NHLRC2: variants seen among roughly 807,000 people sequenced by gnomAD.
The protein encoded by NHLRC2 is NHL repeat containing 2.
Under a neutral mutation model 68.1 loss-of-function variants are expected in NHLRC2, and 33 were observed. That is an observed-to-expected ratio of 0.48 (90% CI 0.37 to 0.65). NHLRC2 has a LOEUF of 0.65. NHLRC2 is among the 30% of genes least tolerant of loss of function. The pLI, the probability that NHLRC2 is intolerant of heterozygous loss-of-function variation, is 0.00. For missense variants in NHLRC2, 761 were observed against 853.8 expected (o/e 0.89, Z 1.35); for synonymous variants, 311 against 309.6 (o/e 1.00, Z -0.05).
chr10:113,868,962 A>C (rs554430775), intron 2 of NHLRC2, among the ~76,000 whole-genome samples: 20 of 152,314 alleles, frequency 1.3e-4, no homozygotes, highest in African/African-American at 4.6e-4. Context: ...GCAGGAGGAA[A>C]AGAGTGTGGA....
In NHLRC2 at chr10:113,903,634, A is replaced by T. The variant is rs745512207; in HGVS notation, c.1602A>T (p.Pro534=). The T allele has an allele frequency of 1.9e-6, 3 of 1,606,482 alleles. No individual in the cohort carries two copies. Among genetic ancestry groups the T allele is most frequent in the Non-Finnish European group, 1.7e-6 (2 of 1,173,144 alleles). ...SSFTESTFNE[P]GGLCIGENGE... is the part of the protein sequence containing the mutation. ...TTACAGAGTCAACTTTTAATGAACC[A>T]GGAGGCTTGTGTATTGGAGAGAATG... is the stretch of plus-strand genomic sequence containing the variant. Residue 534 remains proline, a synonymous_variant, in exon 9 of 11, where the codon CCA becomes CCT. Coordinates refer to ENST00000369301, the MANE Select transcript of NHLRC2 (RefSeq NM_198514.4).
chr10:113,889,493 T>C (rs1208815571), intron 5 of NHLRC2, among the ~76,000 whole-genome samples: 5 of 152,200 alleles, frequency 3.3e-5, no homozygotes, highest in Non-Finnish European at 7.3e-5. Context: ...TAAAATAAGT[T>C]ATATCTTTAT....
intron 5 of NHLRC2, among the ~76,000 whole-genome samples, chr10:113,892,994 A>T (rs1244540067): frequency 6.6e-6 from 1 of 152,184 alleles, no homozygotes; most frequent in African/African-American, 2.4e-5. Flanking sequence ...TTTCTATAAG[A>T]TAAGAATTTT....
intron 5 of NHLRC2, among the ~76,000 whole-genome samples, chr10:113,887,538 G>A (rs1490086282): frequency 6.6e-6 from 1 of 152,128 alleles, no homozygotes; most frequent in Non-Finnish European, 1.5e-5. Flanking sequence ...GGGAGGCTGA[G>A]GCGGCCAGAT....
intron 9 of NHLRC2, among the ~76,000 whole-genome samples, chr10:113,904,510 G>A (rs941537823): frequency 6.6e-6 from 1 of 152,128 alleles, no homozygotes; most frequent in Non-Finnish European, 1.5e-5. Flanking sequence ...ATAAGAAAAT[G>A]TATATCTAGC....
chr10:113,893,406 A>G (rs1846150056), intron 5 of NHLRC2, among the ~76,000 whole-genome samples: 1 of 152,212 alleles, frequency 6.6e-6, no homozygotes, highest in African/African-American at 2.4e-5. Flanking sequence ...TCAGCAAATT[A>G]TTTAGCCTCT....
chr10:113,876,498 A>T, intron 2 of NHLRC2, 23 bp from the exon 3 acceptor site: 1 of 1,341,436 alleles, frequency 7.5e-7, no homozygotes, highest in Non-Finnish European at 1.0e-6. Flanking sequence ...AATAATGTTT[A>T]ACATATAATT....
chr10:113,872,172 T>G (rs1045284764), intron 2 of NHLRC2, among the ~76,000 whole-genome samples: 10 of 151,858 alleles, frequency 6.6e-5, no homozygotes, highest in African/African-American at 2.2e-4. Flanking sequence ...TGGGAGATAA[T>G]CAGCTATATA....
chr10:113,859,767 T>A (rs886929614), intron 2 of NHLRC2, among the ~76,000 whole-genome samples: 2 of 152,136 alleles, frequency 1.3e-5, no homozygotes, highest in African/African-American at 4.8e-5. Flanking sequence ...GCTGAGGAAA[T>A]ATGTAACAAA....
intron 2 of NHLRC2, among the ~76,000 whole-genome samples, chr10:113,873,774 A>T (rs540176442): frequency 6.6e-6 from 1 of 152,342 alleles, no homozygotes; most frequent in East Asian, 1.9e-4. Flanking sequence ...TGTAAGCTTT[A>T]GTTTAGATGA....
At chr10:113,874,257 C>T (rs1319536710) in intron 2 of NHLRC2, among the ~76,000 whole-genome samples, 12 of 152,150 alleles carry the variant, frequency 7.9e-5, no homozygotes, top group Admixed American at 5.2e-4. Context: ...ATCCACCTGA[C>T]TTATAAGGCA....
intron 10 of NHLRC2, among the ~76,000 whole-genome samples, chr10:113,907,689 T>C (rs1846289480): frequency 6.6e-6 from 1 of 152,252 alleles, no homozygotes; most frequent in Non-Finnish European, 1.5e-5. Context: ...ACAAAATCTC[T>C]TGGTTTTTAC....
At chr10:113,887,815 A>G (rs1030449853) in intron 5 of NHLRC2, among the ~76,000 whole-genome samples, 1 of 152,180 alleles carries the variant, frequency 6.6e-6, no homozygotes, top group Non-Finnish European at 1.5e-5. Flanking sequence ...CTGGAATACT[A>G]TACAGCTTTA....
In NHLRC2 at chr10:113,908,777, G is replaced by A; in HGVS notation, c.*241G>A. The A allele has an allele frequency of 1.9e-6, 1 of 515,104 alleles. No individual in the cohort carries two copies. 31.9% of individuals were successfully genotyped at this position (515,104 alleles called of 1,614,324 possible). A position where few individuals can be genotyped will look rare whatever the true frequency, so the allele number is the denominator to read the frequency against. Reference sequence around the variant, plus strand: ...TGATCATCATTGGTACCATGATATTGTAATCTATGCTGCTATTTGGCACAA... The same window carrying A: ...TGATCATCATTGGTACCATGATATTATAATCTATGCTGCTATTTGGCACAA... On this transcript the variant is annotated 3_prime_UTR_variant, in exon 11 of 11. Coordinates refer to ENST00000369301, the MANE Select transcript of NHLRC2 (RefSeq NM_198514.4).
At chr10:113,881,261 A>G (rs1846034003) in intron 4 of NHLRC2, among the ~76,000 whole-genome samples, 2 of 151,756 alleles carry the variant, frequency 1.3e-5, no homozygotes, top group Non-Finnish European at 3.0e-5. Context: ...CTTGCTTTAC[A>G]ACTTAATGGG....
Position 113,908,439 on chromosome 10 carries a change from C to A in NHLRC2, c.2084C>A (p.Ala695Asp). ...FLYYCSADSS[A>D]CMMKAILFSQ... ...TATTACTGTAGTGCAGACAGCAGTG[C>A]TTGTATGATGAAGGCAATTTTGTTC... The change falls in exon 11 of 11, where the codon GCT becomes GAT. Residue 695 changes from alanine (A) to aspartate (D), a missense_variant. Coordinates refer to ENST00000369301, the MANE Select transcript of NHLRC2 (RefSeq NM_198514.4). 6.2e-7 allele frequency: 1 copy of A among 1,613,768 alleles called. No homozygotes were observed. The highest frequency in any genetic ancestry group is 1.3e-5 in the African/African-American group (1 of 75,024).
At chr10:113,899,682 G>A (rs1260521120) in intron 6 of NHLRC2, among the ~76,000 whole-genome samples, 1 of 152,154 alleles carries the variant, frequency 6.6e-6, no homozygotes, top group Non-Finnish European at 1.5e-5. Flanking sequence ...CACTTTGGGG[G>A]GCCGAGGCAG....
intron 9 of NHLRC2, among the ~76,000 whole-genome samples, chr10:113,904,242 G>A (rs1242953736): frequency 6.6e-6 from 1 of 151,732 alleles, no homozygotes; most frequent in African/African-American, 2.4e-5. Context: ...AAACTTAAAT[G>A]AGTTATAGTC....
intron 2 of NHLRC2, among the ~76,000 whole-genome samples, chr10:113,861,699 A>G (rs186604932): frequency 8.9e-4 from 135 of 152,360 alleles, no homozygotes; most frequent in Non-Finnish European, 2.2e-4. Flanking sequence ...AATAATTCAA[A>G]GCCAGTGAAG....
Sources: gnomAD v4.1 joint callset for allele counts (sites outside exome capture counted in the v4.1 genomes callset) on GRCh38, gnomAD v4.1.1 for gene constraint, MANE v1.5 for transcripts, NCBI Gene and HGNC (gene_info 2026-07-23, HGNC 2026-07-21) for gene names.